The following CTNNA3 variants were observed in gnomAD, a reference collection of about 807,000 sequenced individuals.
CTNNA3 encodes catenin alpha-3.
Under a neutral mutation model 95.7 loss-of-function variants are expected in CTNNA3, and 76 were observed. The ratio of observed to expected loss-of-function variants is 0.79; its 90% CI spans 0.66 to 0.96. The LOEUF (loss-of-function observed/expected upper bound fraction) is 0.96, where lower values mean the gene tolerates loss of function less well. CTNNA3 is among the 40% of genes least tolerant of loss of function. The probability of loss-of-function intolerance (pLI) is 0.00; values close to 1 mark genes in which losing one functional copy is unlikely to be tolerated. For synonymous variants in CTNNA3, 431 were observed against 374.4 expected, an observed-to-expected ratio of 1.15 and a Z score of -1.74; for missense variants, 1,191 against 1,089.8, an observed-to-expected ratio of 1.09 and a Z score of -1.31.
intron 9 of CTNNA3, among the ~76,000 whole-genome samples, chr10:66,761,629 C>G (rs1839603279): frequency 6.6e-6 from 1 of 152,002 alleles, no homozygotes; most frequent in Non-Finnish European, 1.5e-5. Context: ...TAAGTGATAG[C>G]CATTTAATCA....
chr10:67,727,456 T>C (rs1422234421), intron 1 of CTNNA3, among the ~76,000 whole-genome samples: 1 of 133,948 alleles, frequency 7.5e-6, no homozygotes, highest in African/African-American at 2.7e-5. Flanking sequence ...TTATATATCA[T>C]ATATATCATA....
At chr10:66,301,233 T>C (rs1418687117) in intron 12 of CTNNA3, among the ~76,000 whole-genome samples, 3 of 152,004 alleles carry the variant, frequency 2.0e-5, no homozygotes, top group Admixed American at 6.6e-5. Flanking sequence ...CACTGGTTAA[T>C]TCTACCAAAC....
chr10:67,102,327 T>C (rs1757031955), intron 7 of CTNNA3, among the ~76,000 whole-genome samples: 1 of 134,798 alleles, frequency 7.4e-6, no homozygotes, highest in Admixed American at 7.3e-5. Flanking sequence ...AAGAAATGTT[T>C]AAAAATTTAA....
chr10:66,523,026 C>A (rs1322866222), intron 10 of CTNNA3, among the ~76,000 whole-genome samples: 1 of 151,744 alleles, frequency 6.6e-6, no homozygotes, highest in African/African-American at 2.4e-5. Flanking sequence ...TTTTTTGTTT[C>A]TTTTCTACAA....
intron 11 of CTNNA3, among the ~76,000 whole-genome samples, chr10:66,411,231 A>G (rs1827704330): frequency 6.6e-6 from 1 of 151,786 alleles, no homozygotes; most frequent in Non-Finnish European, 1.5e-5. Flanking sequence ...TGGTAAAATC[A>G]TTGATTCTTA....
chr10:66,363,743 A>C (rs558123053), intron 12 of CTNNA3, among the ~76,000 whole-genome samples: 1 of 152,348 alleles, frequency 6.6e-6, no homozygotes, highest in East Asian at 1.9e-4. Flanking sequence ...TATATTGCAC[A>C]TTAACATATT....
intron 13 of CTNNA3, among the ~76,000 whole-genome samples, chr10:66,186,931 T>C (rs558061848): frequency 8.4e-4 from 128 of 152,326 alleles, no homozygotes; most frequent in Non-Finnish European, 1.6e-3. Flanking sequence ...CGCTGAATCT[T>C]GGTAAAACAT....
At chr10:67,073,910 T>G (rs1247838364) in intron 7 of CTNNA3, among the ~76,000 whole-genome samples, 1 of 152,190 alleles carries the variant, frequency 6.6e-6, no homozygotes, top group East Asian at 1.9e-4. Context: ...GTTAAGTAAC[T>G]TTTGACCAAT....
At chr10:67,384,415 T>G (rs1844066001) in intron 5 of CTNNA3, among the ~76,000 whole-genome samples, 1 of 152,230 alleles carries the variant, frequency 6.6e-6, no homozygotes, top group Non-Finnish European at 1.5e-5. Context: ...TAAACAACTA[T>G]TTTCATGCTT....
At chr10:67,726,349 G>T (rs1212285177) in intron 1 of CTNNA3, among the ~76,000 whole-genome samples, 5 of 41,148 alleles carry the variant, frequency 1.2e-4, no homozygotes, top group East Asian at 1.9e-3. Context: ...TATAATATAT[G>T]ATATATATGA....
chr10:66,807,562 TACCTG>T (rs1478567157), intron 7 of CTNNA3, among the ~76,000 whole-genome samples: 1 of 152,136 alleles, frequency 6.6e-6, no homozygotes, highest in East Asian at 1.9e-4. Flanking sequence ...ATTGGACTGT[TACCTG>T]ACAAGCAACT....
At chr10:66,975,550 C>T (rs535458350) in intron 7 of CTNNA3, among the ~76,000 whole-genome samples, 6 of 152,138 alleles carry the variant, frequency 3.9e-5, no homozygotes, top group Admixed American at 2.0e-4. Flanking sequence ...AATTGGGAAG[C>T]GGTCTGTCTT....
intron 17 of CTNNA3, among the ~76,000 whole-genome samples, chr10:65,928,901 G>T (rs2077207017): frequency 6.6e-6 from 1 of 152,050 alleles, no homozygotes; most frequent in Non-Finnish European, 1.5e-5. Context: ...ATACTTTAAA[G>T]TTTTAGGGTA....
At chr10:66,686,540 C>A (rs1007506461) in intron 9 of CTNNA3, among the ~76,000 whole-genome samples, 1 of 152,174 alleles carries the variant, frequency 6.6e-6, no homozygotes, top group Non-Finnish European at 1.5e-5. Context: ...CTTCTCTCTA[C>A]TGTCCTAGCA....
At chr10:66,386,192 A>C (rs1288061716) in intron 11 of CTNNA3, among the ~76,000 whole-genome samples, 1 of 152,204 alleles carries the variant, frequency 6.6e-6, no homozygotes, top group Admixed American at 6.5e-5. Flanking sequence ...ACTTTTAGAA[A>C]ACCCCATCAT....
rs1342179766 is a variant in CTNNA3, at chr10:65,915,024, A to G, written c.*5306T>C. ...TGGAGGATTGAATAAGATAATAGTT[A>G]GCATTTAACACAGAGCTGGCACATG... On this transcript the variant is annotated 3_prime_UTR_variant, in exon 18 of 18. Coordinates refer to ENST00000433211, the MANE Select transcript of CTNNA3 (RefSeq NM_013266.4). The G allele has an allele frequency of 6.6e-6, 1 of 152,174 alleles. No individual in the cohort carries two copies. The highest frequency in any genetic ancestry group is 2.4e-5 in the African/African-American group (1 of 41,442). 9.4% of individuals were successfully genotyped at this position (152,174 alleles called of 1,614,324 possible).
At chr10:67,601,002 T>C (rs560657144) in intron 3 of CTNNA3, among the ~76,000 whole-genome samples, 1 of 152,286 alleles carries the variant, frequency 6.6e-6, no homozygotes, top group East Asian at 1.9e-4. Context: ...GAAGTCAGGA[T>C]AGTGACAGAG....
chr10:67,567,014 A>G (rs1357342910), intron 3 of CTNNA3, among the ~76,000 whole-genome samples: 2 of 103,778 alleles, frequency 1.9e-5, no homozygotes, highest in Non-Finnish European at 3.6e-5. Context: ...CACTCTGGGG[A>G]CTGTTTTGGG....
chr10:67,423,701 A>C (rs1845823172), intron 5 of CTNNA3, among the ~76,000 whole-genome samples: 1 of 152,172 alleles, frequency 6.6e-6, no homozygotes, highest in Admixed American at 6.6e-5. Flanking sequence ...CATGAGACAA[A>C]GTTAACATTA....
Sources: allele counts gnomAD v4.1 joint callset (sites outside exome capture counted in the v4.1 genomes callset), GRCh38; gene constraint gnomAD v4.1.1; transcripts MANE v1.5; gene names NCBI Gene and HGNC (gene_info 2026-07-23, HGNC 2026-07-21).